The following MARCHF2 variants were observed in gnomAD, a reference collection of about 807,000 sequenced individuals.
MARCHF2 encodes the protein membrane associated ring-CH-type finger 2.
A neutral mutation model predicts 24.0 loss-of-function variants in MARCHF2; 22 were observed. That is an observed-to-expected ratio of 0.92 (90% CI 0.66 to 1.31). The LOEUF (loss-of-function observed/expected upper bound fraction) is 1.31, where lower values mean the gene tolerates loss of function less well. MARCHF2 is among the 50% of genes most tolerant of loss of function. MARCHF2 has a pLI of 0.00. For missense variants in MARCHF2, 301 were observed against 335.3 expected, an observed-to-expected ratio of 0.90 and a Z score of 0.80; for synonymous variants, 154 against 153.0, an observed-to-expected ratio of 1.01 and a Z score of -0.05.
intron 1 of MARCHF2, among the ~76,000 whole-genome samples, chr19:8,420,217 G>A (rs1281833072): frequency 6.7e-6 from 1 of 149,752 alleles, no homozygotes; most frequent in Non-Finnish European, 1.5e-5. Context: ...GTGTGGTGGT[G>A]GGCCCCTGTA....
chr19:8,417,540 C>T (rs527828397), intron 1 of MARCHF2, among the ~76,000 whole-genome samples: 1 of 151,852 alleles, frequency 6.6e-6, no homozygotes, highest in East Asian at 2.0e-4. Flanking sequence ...CAGGTTTAAG[C>T]GATTCTCCTG....
intron 1 of MARCHF2, among the ~76,000 whole-genome samples, chr19:8,420,656 T>G (rs1242773714): frequency 6.6e-6 from 1 of 152,082 alleles, no homozygotes; most frequent in Non-Finnish European, 1.5e-5. Context: ...TTTTCTTGTC[T>G]TCTCTTTTTT....
At chr19:8,419,003 G>A (rs929831616) in intron 1 of MARCHF2, among the ~76,000 whole-genome samples, 4 of 152,008 alleles carry the variant, frequency 2.6e-5, no homozygotes, top group Non-Finnish European at 5.9e-5. Flanking sequence ...AGAGATCCTT[G>A]GCTCCAGGGC....
At chr19:8,419,760 G>C (rs1484997102) in intron 1 of MARCHF2, among the ~76,000 whole-genome samples, 3 of 146,540 alleles carry the variant, frequency 2.0e-5, no homozygotes, top group African/African-American at 7.8e-5. Flanking sequence ...AGCTTGCAGT[G>C]AGCTGAGATC....
At position 8,421,910 on chromosome 19, in the gene MARCHF2, A is replaced by G. The variant is rs778112678; in HGVS notation, c.70A>G (p.Lys24Glu). 2.5e-6 allele frequency: 4 copies of G among 1,613,608 alleles called. No homozygotes were observed. The highest frequency in any genetic ancestry group is 1.7e-5 in the Admixed American group (1 of 59,948). Residue 24 changes from lysine (K) to glutamate (E), a missense_variant, in exon 2 of 5, where the codon AAG (lysine) becomes GAG (glutamate). Physicochemically the swap from Lys to Glu is moderately conservative, Grantham distance 56. Transcript: ENST00000215555. Reference protein sequence around the residue: ...CDCSGSPAFSKVVEATGLGPP... With the variant: ...CDCSGSPAFSEVVEATGLGPP... ...CTGCTCCGGCAGCCCTGCCTTCTCC[A>G]AGGTCGTGGAGGCTACGGGCCTCGG...
At chr19:8,422,702 ATTTTTT>A (rs79474553) in intron 2 of MARCHF2, among the ~76,000 whole-genome samples, 1 of 97,114 alleles carries the variant, frequency 1.0e-5, no homozygotes, top group African/African-American at 4.6e-5. Context: ...CTCTTTTTAA[ATTTTTT>A]TTTTTTTTTT....
intron 3 of MARCHF2, 119 bp downstream of exon 3, chr19:8,426,923 C>T: frequency 1.2e-6 from 1 of 860,040 alleles, no homozygotes; most frequent in Non-Finnish European, 1.8e-6. Flanking sequence ...CCCTACCGCC[C>T]CTGTCCACCA....
At chr19:8,419,815 CAAAA>C (rs372543513) in intron 1 of MARCHF2, among the ~76,000 whole-genome samples, 7 of 117,456 alleles carry the variant, frequency 6.0e-5, no homozygotes, top group Non-Finnish European at 5.2e-5. Context: ...GACTCCGTCT[CAAAA>C]AAAAAATAAA....
intron 3 of MARCHF2, among the ~76,000 whole-genome samples, chr19:8,428,997 G>A (rs1192757542): frequency 7.1e-6 from 1 of 141,316 alleles, no homozygotes; most frequent in Non-Finnish European, 1.5e-5. Flanking sequence ...AGAGTGTAGG[G>A]AGAAAAGTGG....
rs199908447 is a variant in MARCHF2, at chr19:8,422,014, G to A, written c.174G>A (p.Pro58=). ...LSTVIRALDT[P]SDGPFCRICH... is the part of the protein sequence containing the mutation. ...CCGTCATCCGTGCCTTGGACACACC[G>A]AGGTGAGTGGTGACTGCGTGGATAT... is the stretch of plus-strand genomic sequence containing the variant. The change falls in exon 2 of 5, where the codon CCG becomes CCA. Residue 58 remains proline, a splice_region_variant and synonymous_variant. Transcript: ENST00000215555. The A allele has an allele frequency of 3.7e-5, 60 of 1,606,614 alleles. No individual in the cohort carries two copies. Among genetic ancestry groups the A allele is most frequent in the Non-Finnish European group, 4.4e-5 (52 of 1,176,196 alleles).
chr19:8,420,996 G>A lies in MARCHF2; in HGVS notation c.-52-793G>A, dbSNP rs571922375. Among the ~76,000 whole-genome samples the A allele has an allele frequency of 9.7e-4, 148 of 151,946 alleles. 1 individual carries two copies. The highest frequency in any genetic ancestry group is 3.4e-3 in the African/African-American group (140 of 41,450). On this transcript the variant is annotated intron_variant, in intron 1 of 4. Coordinates refer to ENST00000215555, the MANE Select transcript of MARCHF2 (RefSeq NM_001005415.2). Reference sequence around the variant, plus strand: ...TCATTTTTTATAAAGATAGAGTCTTGATGTGTTGCCTAGGCTGGTCTCAAA... The same window carrying A: ...TCATTTTTTATAAAGATAGAGTCTTAATGTGTTGCCTAGGCTGGTCTCAAA...
chr19:8,426,656 G>A lies in MARCHF2; in HGVS notation c.224G>A (p.Cys75Tyr). The A allele has an allele frequency of 6.2e-7, 1 of 1,614,108 alleles. No individual in the cohort carries two copies. The change falls in exon 3 of 5, where the codon TGC (cysteine) becomes TAC (tyrosine). Residue 75 changes from cysteine to tyrosine, a missense_variant. Cys to Tyr is a radical substitution (Grantham distance 194). Coordinates refer to ENST00000215555, the MANE Select transcript of MARCHF2 (RefSeq NM_001005415.2). ...RICHEGANGECLLSPCGCTGT... is the reference protein window; with the variant it reads ...RICHEGANGEYLLSPCGCTGT... ...TGCCATGAGGGAGCGAACGGGGAGT[G>A]CTTGCTGTCCCCGTGTGGCTGCACC...
chr19:8,436,849 C>T (rs534250650), intron 4 of MARCHF2, among the ~76,000 whole-genome samples: 1 of 152,030 alleles, frequency 6.6e-6, no homozygotes, highest in South Asian at 2.1e-4. Flanking sequence ...CGCCACCATG[C>T]CTGGCTAATT....
intron 1 of MARCHF2, among the ~76,000 whole-genome samples, chr19:8,420,228 A>G (rs191782464): frequency 1.7e-4 from 25 of 150,146 alleles, no homozygotes; most frequent in Middle Eastern, 3.4e-3. Context: ...GGCCCCTGTA[A>G]TCCCAGCTAC....
chr19:8,438,522 G>T lies in MARCHF2; in HGVS notation c.717G>T (p.Lys239Asn), dbSNP rs758904169. Residue 239 changes from lysine to asparagine, a missense_variant, in exon 5 of 5, where the codon AAG (lysine) becomes AAT (asparagine). Transcript: ENST00000215555. The part of the protein sequence containing the change: ...HSPLAAGLLK[K>N]VAEETPV Reference sequence around the variant, plus strand: ...CACTGGCAGCTGGACTCCTGAAGAAGGTGGCAGAGGAGACACCAGTATGAA... The same window carrying T: ...CACTGGCAGCTGGACTCCTGAAGAATGTGGCAGAGGAGACACCAGTATGAA... 8.1e-6 allele frequency: 13 copies of T among 1,614,000 alleles called. No homozygotes were observed. The highest frequency in any genetic ancestry group is 6.7e-5 in the East Asian group (3 of 44,890).
intron 1 of MARCHF2, among the ~76,000 whole-genome samples, chr19:8,416,139 C>T (rs113818371): frequency 0.25 from 37,174 of 151,620 alleles, 5,283 homozygotes; most frequent in Non-Finnish European, 0.31. Context: ...GTCAGGAGTT[C>T]GAGACTGGCC....
At chr19:8,431,730 C>T (rs550964769) in intron 4 of MARCHF2, among the ~76,000 whole-genome samples, 77 of 145,152 alleles carry the variant, frequency 5.3e-4, no homozygotes, top group Admixed American at 9.0e-4. Context: ...CCCAGCTACT[C>T]GGGAGGCTGA....
chr19:8,438,513 C>G lies in MARCHF2; in HGVS notation c.708C>G (p.Leu236=), dbSNP rs149824964. The change falls in exon 5 of 5, where the codon CTC becomes CTG. Residue 236 remains leucine, a synonymous_variant. Coordinates refer to ENST00000215555, the MANE Select transcript of MARCHF2 (RefSeq NM_001005415.2). ...AGCATTCTCCACTGGCAGCTGGACT[C>G]CTGAAGAAGGTGGCAGAGGAGACAC... The part of the protein sequence containing the change: ...GPQHSPLAAG[L]LKKVAEETPV The G allele has an allele frequency of 2.0e-5, 32 of 1,614,086 alleles. No individual in the cohort carries two copies. In the African/African-American group the frequency reaches 4.1e-4, roughly 21 times the overall value.
chr19:8,430,647 C>G lies in MARCHF2; in HGVS notation c.373-11C>G. The G allele has an allele frequency of 1.2e-6, 2 of 1,604,762 alleles. No individual in the cohort carries two copies. Among genetic ancestry groups the G allele is most frequent in the Non-Finnish European group, 1.7e-6 (2 of 1,178,766 alleles). On this transcript the variant is annotated splice_polypyrimidine_tract_variant and intron_variant, in intron 3 of 4. Transcript: ENST00000215555. The surrounding 1 kb of genome is among the most constrained non-coding windows in gnomAD (Gnocchi z 4.4). ...CCCCCTCTCCTCTGCCCCCTATCCT[C>G]TCCCCTGCAGTGGCTGAAGGACCCG...
Sources: gnomAD v4.1 joint callset for allele counts (sites outside exome capture counted in the v4.1 genomes callset) on GRCh38, gnomAD v4.1.1 for gene constraint, Gnocchi (gnomAD v3.1) non-coding constraint, MANE v1.5 for transcripts, NCBI Gene and HGNC (gene_info 2026-07-23, HGNC 2026-07-21) for gene names.